ZNF670: variants seen among roughly 807,000 people sequenced by gnomAD.
ZNF670 encodes the protein zinc finger protein 670.
A neutral mutation model predicts 10.9 loss-of-function variants in ZNF670; 7 were observed. That is an observed-to-expected ratio of 0.64 (90% CI 0.36 to 1.20). ZNF670 has a LOEUF of 1.20. ZNF670 is among the 50% of genes most tolerant of loss of function. The pLI is 0.02. For missense variants in ZNF670, 446 were observed against 458.6 expected (o/e 0.97, Z 0.25); for synonymous variants, 136 against 152.7 (o/e 0.89, Z 0.81).
chr1:247,075,492 G>A (rs940196366), intron 1 of ZNF670, among the ~76,000 whole-genome samples: 8 of 152,180 alleles, frequency 5.3e-5, no homozygotes, highest in Admixed American at 3.3e-4. Flanking sequence ...ATCTTGAATT[G>A]TAACTCCCAC....
chr1:247,049,920 T>C (rs1281148319), intron 1 of ZNF670, among the ~76,000 whole-genome samples: 1 of 152,256 alleles, frequency 6.6e-6, no homozygotes, highest in Non-Finnish European at 1.5e-5. Context: ...CTTAAATTTA[T>C]TGAGACTTGT....
chr1:247,038,953 C>G, intron 2 of ZNF670, 83 bp from the exon 3 acceptor site: 1 of 1,031,006 alleles, frequency 9.7e-7, no homozygotes, highest in Non-Finnish European at 1.4e-6. Flanking sequence ...ACACTGTGAC[C>G]ATAACTAATT....
In ZNF670 at chr1:247,078,744, G is replaced by C. The variant is rs150429543; in HGVS notation, c.-148C>G. On this transcript the variant is annotated 5_prime_UTR_variant, in exon 1 of 4. Coordinates refer to ENST00000366503, the MANE Select transcript of ZNF670 (RefSeq NM_033213.5). ...GACGCACCGAGCTCGCCACATTCGC[G>C]CTGCCCAACACAAAAGCCGCGCCAG... 8.4e-6 allele frequency: 7 copies of C among 838,120 alleles called. No individual in the cohort carries two copies. The highest frequency in any genetic ancestry group is 1.3e-5 in the Non-Finnish European group (7 of 535,984). 51.9% of individuals were successfully genotyped at this position (838,120 alleles called of 1,614,324 possible).
chr1:247,072,840 G>GCACACACA (rs1558348475), intron 1 of ZNF670, among the ~76,000 whole-genome samples: 1 of 48,008 alleles, frequency 2.1e-5, no homozygotes, highest in African/African-American at 7.7e-5. Context: ...ATATATATAT[G>GCACACACA]CATACACACA....
chr1:247,075,358 T>G lies in ZNF670; in HGVS notation c.3+3236A>C, dbSNP rs545249120. Among the ~76,000 whole-genome samples, 6 of 152,334 alleles carry G rather than the reference T, an allele frequency of 3.9e-5. No homozygotes were observed. In the East Asian group the frequency reaches 7.7e-4, roughly 20 times the overall value. Reference sequence around the variant, plus strand: ...TGATAAATATTTATAATTCACCAATTTATCTACAACACTTGCTTGTGGAAA... The same window carrying G: ...TGATAAATATTTATAATTCACCAATGTATCTACAACACTTGCTTGTGGAAA... On this transcript the variant is annotated intron_variant, in intron 1 of 3. Transcript: ENST00000366503.
chr1:247,044,806 G>C (rs1305401642), intron 1 of ZNF670, among the ~76,000 whole-genome samples: 1 of 152,112 alleles, frequency 6.6e-6, no homozygotes, highest in Admixed American at 6.5e-5. Context: ...CCTACCTGAG[G>C]GGGAGAATGG....
intron 1 of ZNF670, among the ~76,000 whole-genome samples, chr1:247,069,307 G>C (rs529792374): frequency 1.3e-5 from 2 of 150,848 alleles, no homozygotes; most frequent in African/African-American, 2.5e-5. Flanking sequence ...CACCTTGTAT[G>C]TCCCCAAGAA....
At chr1:247,049,593 C>T (rs1275536492) in intron 1 of ZNF670, among the ~76,000 whole-genome samples, 1 of 152,102 alleles carries the variant, frequency 6.6e-6, no homozygotes, top group Non-Finnish European at 1.5e-5. Context: ...TCCTCTAGTT[C>T]TTTCAGGTGT....
rs184519274 is a variant in ZNF670, at chr1:247,078,702, G to A, written c.-106C>T. On this transcript the variant is annotated 5_prime_UTR_variant, in exon 1 of 4. Transcript: ENST00000366503. ...GACCACTTGGACCTCCCAGGGATAA[G>A]GGGAAGGAGCAGCGGAGACGCACCG... 7.3e-4 allele frequency: 958 copies of A among 1,304,976 alleles called. 7 individuals carry two copies. The South Asian group carries it at 8.9e-3, about 12-fold the overall frequency. The allele number at this position is 1,304,976 out of a possible 1,614,324, so 80.8% of individuals were successfully genotyped here.
chr1:247,051,370 A>AT (rs1177601184), intron 1 of ZNF670, among the ~76,000 whole-genome samples: 1 of 152,030 alleles, frequency 6.6e-6, no homozygotes, highest in Non-Finnish European at 1.5e-5. Flanking sequence ...TCCTTCATTT[A>AT]TGAAGCTTAG....
intron 1 of ZNF670, among the ~76,000 whole-genome samples, chr1:247,067,026 C>T (rs1018106330): frequency 5.3e-5 from 8 of 152,298 alleles, no homozygotes; most frequent in Admixed American, 2.0e-4. Context: ...CTCCCTAAAA[C>T]GTATAAAAGT....
At position 247,070,969 on chromosome 1, in the gene ZNF670, CAG is replaced by C. The variant is rs532010310; in HGVS notation, c.3+7623_3+7624del. Among the ~76,000 whole-genome samples, 134 of 152,294 alleles carry C rather than the reference CAG, an allele frequency of 8.8e-4. 1 individual carries two copies. Among genetic ancestry groups the C allele is most frequent in the African/African-American group, 3.2e-3 (131 of 41,574 alleles). The stretch of plus-strand genomic sequence containing the variant: ...CTATTACAAAAAAGTCAGAAAATAA[CAG>C]ATGTTTGCGAGGTTGCAGAGAAAAG... On this transcript the variant is annotated intron_variant, in intron 1 of 3. Transcript: ENST00000366503.
intron 1 of ZNF670, among the ~76,000 whole-genome samples, chr1:247,044,263 C>A (rs1670387417): frequency 6.6e-6 from 1 of 151,760 alleles, no homozygotes; most frequent in African/African-American, 2.4e-5. Context: ...AAAAAAACCC[C>A]AAAAAACAAA....
chr1:247,038,124 A>G lies in ZNF670; in HGVS notation c.495T>C (p.Ser165=). ...ACACTGGACCCTTATAAGGCCCATT[A>G]CTAGTGTGTGTTACCATGTGTCTGT... ...SVDRHMVTHT[S]NGPYKGPVYE... The change falls in exon 4 of 4, where the codon AGT becomes AGC. Residue 165 remains serine, a synonymous_variant. Coordinates refer to ENST00000366503, the MANE Select transcript of ZNF670 (RefSeq NM_033213.5). 2.5e-6 allele frequency: 4 copies of G among 1,614,182 alleles called. No individual in the cohort carries two copies. The highest frequency in any genetic ancestry group is 1.7e-5 in the Admixed American group (1 of 60,032).
At chr1:247,078,301 CGG>C (rs1671300433) in intron 1 of ZNF670, among the ~76,000 whole-genome samples, 1 of 152,216 alleles carries the variant, frequency 6.6e-6, no homozygotes, top group Non-Finnish European at 1.5e-5. Context: ...AACCCCAAGT[CGG>C]GACTCTCCCC....
chr1:247,060,439 G>C (rs1475593972), intron 1 of ZNF670, among the ~76,000 whole-genome samples: 1 of 152,170 alleles, frequency 6.6e-6, no homozygotes, highest in African/African-American at 2.4e-5. Flanking sequence ...AAGACACCTT[G>C]CAACAGTCAC....
At chr1:247,063,876 G>A (rs1453486765) in intron 1 of ZNF670, among the ~76,000 whole-genome samples, 1 of 152,172 alleles carries the variant, frequency 6.6e-6, no homozygotes, top group Non-Finnish European at 1.5e-5. Flanking sequence ...CTTCCCAGAG[G>A]GCCTTGGGCC....
At chr1:247,062,728 C>T (rs746307967) in intron 1 of ZNF670, among the ~76,000 whole-genome samples, 51 of 152,326 alleles carry the variant, frequency 3.3e-4, no homozygotes, top group African/African-American at 4.3e-4. Context: ...GGGTGGGTTT[C>T]CCTTCTCTGT....
intron 1 of ZNF670, among the ~76,000 whole-genome samples, chr1:247,069,185 G>A (rs1671061046): frequency 6.6e-6 from 1 of 151,134 alleles, no homozygotes; most frequent in Non-Finnish European, 1.5e-5. Context: ...CTTAAAGAGT[G>A]TAATTTGATT....
Sources: gnomAD v4.1 joint callset for allele counts (sites outside exome capture counted in the v4.1 genomes callset) on GRCh38, gnomAD v4.1.1 for gene constraint, MANE v1.5 for transcripts, NCBI Gene and HGNC (gene_info 2026-07-23, HGNC 2026-07-21) for gene names.